Variants in CADPS2 observed in about 807,000 individuals in gnomAD.
CADPS2 encodes calcium dependent secretion activator 2.
CADPS2 carries 93 observed loss-of-function variants against 172.5 expected under a neutral mutation model. That is an observed-to-expected ratio of 0.54 (90% CI 0.46 to 0.64). CADPS2 has a LOEUF of 0.64. Ranked by LOEUF, CADPS2 falls within the 30% of genes least tolerant of loss-of-function variation. The probability of loss-of-function intolerance (pLI) is 0.00; values close to 1 mark genes in which losing one functional copy is unlikely to be tolerated. For missense variants in CADPS2, 1,420 were observed against 1,565.9 expected (o/e 0.91, Z 1.57); for synonymous variants, 546 against 555.2 (o/e 0.98, Z 0.23).
intron 22 of CADPS2, among the ~76,000 whole-genome samples, chr7:122,389,048 T>C (rs2044044380): frequency 6.6e-6 from 1 of 152,082 alleles, no homozygotes; most frequent in Admixed American, 6.6e-5. Flanking sequence ...TAACTGTTCT[T>C]TACCAATCTC....
chr7:122,771,344 T>G (rs538132599), intron 1 of CADPS2, among the ~76,000 whole-genome samples: 1 of 152,334 alleles, frequency 6.6e-6, no homozygotes, highest in African/African-American at 2.4e-5. Context: ...AGGCTATGGA[T>G]ATTACTATAA....
intron 27 of CADPS2, among the ~76,000 whole-genome samples, chr7:122,353,106 G>C (rs1006427831): frequency 1.3e-5 from 2 of 152,158 alleles, no homozygotes; most frequent in Admixed American, 6.5e-5. Flanking sequence ...TGGTGCAGAA[G>C]TGATTGTGTT....
chr7:122,454,523 C>A (rs1223411337), intron 14 of CADPS2, among the ~76,000 whole-genome samples: 1 of 152,052 alleles, frequency 6.6e-6, no homozygotes, highest in Non-Finnish European at 1.5e-5. Context: ...ATTTTGAATA[C>A]CCTTACATTA....
chr7:122,676,599 C>A, intron 2 of CADPS2: 2 of 1,115,252 alleles, frequency 1.8e-6, no homozygotes, highest in Non-Finnish European at 1.3e-6. Flanking sequence ...AGCATGACTA[C>A]AGAGAGATCC....
intron 1 of CADPS2, among the ~76,000 whole-genome samples, chr7:122,768,260 A>C (rs1330122339): frequency 6.6e-6 from 1 of 152,156 alleles, no homozygotes; most frequent in East Asian, 1.9e-4. Flanking sequence ...TTCATTTCCT[A>C]ATTGCTACTT....
At chr7:122,349,278 T>C (rs1279772399) in intron 27 of CADPS2, among the ~76,000 whole-genome samples, 1 of 152,160 alleles carries the variant, frequency 6.6e-6, no homozygotes, top group Admixed American at 6.5e-5. Context: ...TAGAAATCTC[T>C]TCTAAATTGG....
At chr7:122,663,171 T>C in intron 3 of CADPS2, 66 bp downstream of exon 3, 1 of 1,176,428 alleles carries the variant, frequency 8.5e-7, no homozygotes, top group Admixed American at 2.3e-5. Flanking sequence ...CTTCATAGGC[T>C]TGTAAATACT....
chr7:122,431,726 G>A (rs572880174), intron 17 of CADPS2, among the ~76,000 whole-genome samples: 90 of 152,120 alleles, frequency 5.9e-4, no homozygotes, highest in African/African-American at 2.1e-3. Flanking sequence ...AGTAAATTGA[G>A]TTGCCTGTAA....
chr7:122,456,078 T>C (rs2053735579), intron 14 of CADPS2, among the ~76,000 whole-genome samples: 1 of 152,168 alleles, frequency 6.6e-6, no homozygotes, highest in South Asian at 2.1e-4. Flanking sequence ...GAACTGTAGT[T>C]AAGTACACTG....
intron 15 of CADPS2, among the ~76,000 whole-genome samples, chr7:122,449,588 T>C (rs139298467): frequency 2.6e-5 from 4 of 152,260 alleles, no homozygotes; most frequent in Admixed American, 1.3e-4. Context: ...GCTGGGATTA[T>C]AGGTTTGAGC....
chr7:122,724,778 C>T (rs770040867), intron 2 of CADPS2, among the ~76,000 whole-genome samples: 1 of 151,910 alleles, frequency 6.6e-6, no homozygotes, highest in East Asian at 1.9e-4. Context: ...TTCCTCTGTG[C>T]TGAAGCCTCC....
At chr7:122,353,290 T>C (rs185210660) in intron 27 of CADPS2, among the ~76,000 whole-genome samples, 3 of 152,216 alleles carry the variant, frequency 2.0e-5, no homozygotes, top group East Asian at 3.9e-4. Context: ...GAACCACCTT[T>C]TGGGGATTTT....
At chr7:122,752,065 A>G (rs1446675908) in intron 1 of CADPS2, among the ~76,000 whole-genome samples, 3 of 151,736 alleles carry the variant, frequency 2.0e-5, no homozygotes, top group East Asian at 3.9e-4. Flanking sequence ...AGAAAACTCA[A>G]GAACACTCAA....
At chr7:122,637,736 G>C (rs1009195261) in intron 3 of CADPS2, among the ~76,000 whole-genome samples, 4 of 152,164 alleles carry the variant, frequency 2.6e-5, no homozygotes, top group African/African-American at 9.7e-5. Context: ...GAGACACTCT[G>C]CCTTTTTGAA....
At position 122,702,236 on chromosome 7, in the gene CADPS2, T is replaced by C. The variant is rs747256321; in HGVS notation, c.453+34719A>G. ...CCCCACTTCAATGATGACTGTCACATAGACTCCTTTCTGAATCGAGTGCAA... is the reference window on the plus strand; with the variant it reads ...CCCCACTTCAATGATGACTGTCACACAGACTCCTTTCTGAATCGAGTGCAA... On this transcript the variant is annotated intron_variant, in intron 2 of 29. Coordinates refer to ENST00000449022, the MANE Select transcript of CADPS2 (RefSeq NM_017954.11). 6.2e-6 allele frequency: 10 copies of C among 1,613,868 alleles called. 1 individual carries two copies. The highest frequency in any genetic ancestry group is 5.1e-6 in the Non-Finnish European group (6 of 1,179,810).
In CADPS2 at chr7:122,848,738, G is replaced by A. The variant is rs561032401; in HGVS notation, c.339+37261C>T. On this transcript the variant is annotated intron_variant, in intron 1 of 29. Coordinates refer to ENST00000449022, the MANE Select transcript of CADPS2 (RefSeq NM_017954.11). ...GACTGTATTAGTATCTTGCATCTGT[G>A]TGTAAAATGCCATGACGTCTCTGAC... 2.6e-5 allele frequency among the ~76,000 whole-genome samples: 4 copies of A among 152,250 alleles called. No individual in the cohort carries two copies. The South Asian group carries it at 8.3e-4, about 32-fold the overall frequency.
rs547648064 is a variant in CADPS2 at position 122,648,149 on chromosome 7, T to G, written c.786+15088A>C. ...TTCTCCTCCTTGAAATGGCTTCTCT[T>G]GGATTCCCTGATGCCTCACTCTCTA... On this transcript the variant is annotated intron_variant, in intron 3 of 29. Coordinates refer to ENST00000449022, the MANE Select transcript of CADPS2 (RefSeq NM_017954.11). Among the ~76,000 whole-genome samples the G allele has an allele frequency of 4.6e-5, 7 of 152,184 alleles. No homozygotes were observed. The East Asian group carries it at 9.7e-4, about 21-fold the overall frequency.
At chr7:122,660,397 A>T (rs2080394421) in intron 3 of CADPS2, among the ~76,000 whole-genome samples, 1 of 152,190 alleles carries the variant, frequency 6.6e-6, no homozygotes, top group African/African-American at 2.4e-5. Context: ...ATGTATAAGC[A>T]GTACACCAAA....
Position 122,798,259 on chromosome 7 carries a change from C to A in CADPS2, c.340-61191G>T, listed in dbSNP as rs547092951. Among the ~76,000 whole-genome samples the A allele has an allele frequency of 2.6e-5, 4 of 152,214 alleles. No individual in the cohort carries two copies. The South Asian group carries it at 8.3e-4, about 32-fold the overall frequency. ...CCCTAAACACATCCTCCTCCTTGACCCAAACATCAATACTTGTCCAGGGCT... is the reference window on the plus strand; with the variant it reads ...CCCTAAACACATCCTCCTCCTTGACACAAACATCAATACTTGTCCAGGGCT... On this transcript the variant is annotated intron_variant, in intron 1 of 29. Coordinates refer to ENST00000449022, the MANE Select transcript of CADPS2 (RefSeq NM_017954.11).
Sources: gnomAD v4.1 joint callset for allele counts (sites outside exome capture counted in the v4.1 genomes callset) on GRCh38, gnomAD v4.1.1 for gene constraint, MANE v1.5 for transcripts, NCBI Gene and HGNC (gene_info 2026-07-23, HGNC 2026-07-21) for gene names.